CARMIL1: variants seen among roughly 807,000 people sequenced by gnomAD.
CARMIL1 encodes capping protein regulator and myosin 1 linker 1, also known as F-actin-uncapping protein LRRC16A.
A neutral mutation model predicts 177.1 loss-of-function variants in CARMIL1; 90 were observed. That is an observed-to-expected ratio of 0.51 (90% CI 0.43 to 0.61). The LOEUF (loss-of-function observed/expected upper bound fraction) is 0.61, where lower values mean the gene tolerates loss of function less well. Among genes scored for constraint, CARMIL1 ranks in the 20% least tolerant of loss-of-function variants. The pLI, the probability that CARMIL1 is intolerant of heterozygous loss-of-function variation, is 0.00. For missense variants in CARMIL1, 1,380 were observed against 1,667.0 expected, an observed-to-expected ratio of 0.83 and a Z score of 3.00; for synonymous variants, 577 against 606.2, an observed-to-expected ratio of 0.95 and a Z score of 0.71.
chr6:25,393,818 C>T (rs1378967961), intron 2 of CARMIL1, among the ~76,000 whole-genome samples: 1 of 151,612 alleles, frequency 6.6e-6, no homozygotes, highest in Non-Finnish European at 1.5e-5. Context: ...GATTGCACCA[C>T]ACACTCTAGC....
In CARMIL1 at chr6:25,279,587, CA is replaced by C. The variant is rs1320379427; in HGVS notation, c.-206del. On this transcript the variant is annotated 5_prime_UTR_variant, in exon 1 of 37. Transcript: ENST00000329474. ...AGGAGGCGTCATGTAGCAGCAGCAGCAAATCCGCCTCGCATTTGCAACTCTT... is the reference window on the plus strand; with the variant it reads ...AGGAGGCGTCATGTAGCAGCAGCAGCAATCCGCCTCGCATTTGCAACTCTT... 5 of 604,110 alleles carry C rather than the reference CA, an allele frequency of 8.3e-6. No individual in the cohort carries two copies. The highest frequency in any genetic ancestry group is 1.5e-5 in the Non-Finnish European group (5 of 337,306). The allele number at this position is 604,110 out of a possible 1,614,324, so 37.4% of individuals were successfully genotyped here.
intron 2 of CARMIL1, among the ~76,000 whole-genome samples, chr6:25,406,469 G>A (rs1303816185): frequency 2.0e-5 from 3 of 151,056 alleles, no homozygotes; most frequent in African/African-American, 7.4e-5. Flanking sequence ...AAAAGATCAC[G>A]TTCAGATCCT....
chr6:25,369,374 A>ATTTTTTTTTTTTTTTT (rs1364472995), intron 2 of CARMIL1, among the ~76,000 whole-genome samples: 2 of 96,008 alleles, frequency 2.1e-5, no homozygotes, highest in African/African-American at 4.0e-5. Flanking sequence ...GCAATGCTGT[A>ATTTTTTTTTTTTTTTT]TTTTGTTTTT....
intron 1 of CARMIL1, among the ~76,000 whole-genome samples, chr6:25,281,719 C>T (rs1017277805): frequency 2.6e-5 from 4 of 152,134 alleles, no homozygotes; most frequent in African/African-American, 9.7e-5. Context: ...CCTCTAAATT[C>T]AAGTGCTCAC....
At chr6:25,295,069 T>A (rs985369217) in intron 2 of CARMIL1, among the ~76,000 whole-genome samples, 2 of 152,128 alleles carry the variant, frequency 1.3e-5, no homozygotes, top group African/African-American at 4.8e-5. Context: ...GTTTTTTAAA[T>A]TTTGGAAGTA....
At chr6:25,521,765 A>G (rs1170332077) in intron 23 of CARMIL1, among the ~76,000 whole-genome samples, 1 of 125,508 alleles carries the variant, frequency 8.0e-6, no homozygotes, top group Non-Finnish European at 1.6e-5. Flanking sequence ...GCGAGATTCC[A>G]TCTCAAAAAA....
At chr6:25,406,556 GGTGGC>G (rs1794392827) in intron 2 of CARMIL1, among the ~76,000 whole-genome samples, 1 of 152,204 alleles carries the variant, frequency 6.6e-6, no homozygotes, top group African/African-American at 2.4e-5. Context: ...GCAAGAGGGT[GGTGGC>G]TTGGAATAGT....
At chr6:25,433,623 G>A (rs1796993960) in intron 4 of CARMIL1, among the ~76,000 whole-genome samples, 1 of 152,144 alleles carries the variant, frequency 6.6e-6, no homozygotes, top group African/African-American at 2.4e-5. Flanking sequence ...AAGACAAATG[G>A]AGCCTTTGCC....
chr6:25,589,430 G>C (rs564610568), intron 31 of CARMIL1, among the ~76,000 whole-genome samples: 1 of 152,182 alleles, frequency 6.6e-6, no homozygotes, highest in Non-Finnish European at 1.5e-5. Context: ...ATAAATTGCA[G>C]TGTGGCACCC....
chr6:25,318,908 T>C (rs1343811782), intron 2 of CARMIL1, among the ~76,000 whole-genome samples: 1 of 152,214 alleles, frequency 6.6e-6, no homozygotes, highest in Non-Finnish European at 1.5e-5. Context: ...CTCTTTTTCT[T>C]TGGACCTGAA....
At chr6:25,553,352 T>G (rs1412418359) in intron 27 of CARMIL1, among the ~76,000 whole-genome samples, 3 of 152,154 alleles carry the variant, frequency 2.0e-5, no homozygotes, top group Non-Finnish European at 4.4e-5. Context: ...ATACCAGCCA[T>G]CTGACAGAAT....
intron 1 of CARMIL1, among the ~76,000 whole-genome samples, chr6:25,282,862 C>T (rs1561931113): frequency 6.6e-6 from 1 of 152,272 alleles, no homozygotes; most frequent in East Asian, 1.9e-4. Context: ...TCTCAGTGAC[C>T]TCCACTAGAT....
chr6:25,502,253 CAAAA>C (rs1164948276), intron 17 of CARMIL1, among the ~76,000 whole-genome samples: 1 of 133,292 alleles, frequency 7.5e-6, no homozygotes, highest in Non-Finnish European at 1.6e-5. Context: ...AGCAAACAAA[CAAAA>C]AAAAAACAAA....
At chr6:25,370,281 T>G (rs55731467) in intron 2 of CARMIL1, among the ~76,000 whole-genome samples, 23,723 of 152,178 alleles carry the variant, frequency 0.16, 1,948 homozygotes, top group African/African-American at 0.22. Context: ...CTGGACTCTG[T>G]GTGGCTTCTA....
intron 3 of CARMIL1, among the ~76,000 whole-genome samples, chr6:25,425,679 G>A (rs991537861): frequency 2.0e-5 from 3 of 151,982 alleles, no homozygotes; most frequent in African/African-American, 7.3e-5. Flanking sequence ...TGAAAGACTG[G>A]GGATATTTTA....
chr6:25,281,118 A>C (rs1057204151), intron 1 of CARMIL1, among the ~76,000 whole-genome samples: 1 of 80,600 alleles, frequency 1.2e-5, no homozygotes, highest in Non-Finnish European at 2.8e-5. Flanking sequence ...TCACAGACGC[A>C]CGCGCGTGTG....
intron 23 of CARMIL1, among the ~76,000 whole-genome samples, chr6:25,523,168 T>C (rs961548376): frequency 2.8e-4 from 43 of 152,298 alleles, no homozygotes; most frequent in African/African-American, 1.0e-3. Context: ...AAAAAAGCTG[T>C]GGTATGGCAA....
intron 8 of CARMIL1, among the ~76,000 whole-genome samples, chr6:25,459,271 T>TCTTTCTTTC (rs1799899017): frequency 1.4e-5 from 2 of 140,422 alleles, no homozygotes; most frequent in African/African-American, 2.5e-5. Context: ...TCTTTCTTTT[T>TCTTTCTTTC]TTTTTTTTTA....
intron 3 of CARMIL1, 34 bp from the exon 4 acceptor site, chr6:25,426,467 G>C: frequency 6.5e-7 from 1 of 1,540,762 alleles, no homozygotes; most frequent in Non-Finnish European, 8.9e-7. Flanking sequence ...CCTCATTGCA[G>C]GTCTTTTCTT....
Sources: allele counts gnomAD v4.1 joint callset (sites outside exome capture counted in the v4.1 genomes callset), GRCh38; gene constraint gnomAD v4.1.1; transcripts MANE v1.5; gene names NCBI Gene and HGNC (gene_info 2026-07-23, HGNC 2026-07-21).